Variants in TUBE1 observed in about 807,000 individuals in gnomAD.
TUBE1 encodes tubulin epsilon chain.
Under a neutral mutation model 53.5 loss-of-function variants are expected in TUBE1, and 34 were observed. That is an observed-to-expected ratio of 0.64 (90% confidence interval 0.48 to 0.85). TUBE1 has a LOEUF of 0.85. Ranked by LOEUF, TUBE1 falls within the 40% of genes least tolerant of loss-of-function variation. TUBE1 has a pLI of 0.00. For synonymous variants in TUBE1, 177 were observed against 198.4 expected (o/e 0.89, Z 0.91); for missense variants, 532 against 570.5 (o/e 0.93, Z 0.69).
At chr6:112,073,117 C>CT (rs1776898371) in intron 9 of TUBE1, among the ~76,000 whole-genome samples, 1 of 132,656 alleles carries the variant, frequency 7.5e-6, no homozygotes, top group Non-Finnish European at 1.6e-5. Context: ...TTTTCTTTTT[C>CT]TGGGGGAAAA....
chr6:112,082,118 ACC>A (rs1583597505), intron 4 of TUBE1, among the ~76,000 whole-genome samples: 1 of 152,172 alleles, frequency 6.6e-6, no homozygotes, highest in African/African-American at 2.4e-5. Context: ...TGTGTAATTA[ACC>A]ATGCTACTTC....
At chr6:112,074,061 T>C (rs1279722666) in intron 9 of TUBE1, among the ~76,000 whole-genome samples, 1 of 152,182 alleles carries the variant, frequency 6.6e-6, no homozygotes, top group African/African-American at 2.4e-5. Context: ...CCCTTTCTTA[T>C]TTACATACTG....
At chr6:112,077,258 T>G (rs1161762329) in intron 6 of TUBE1, 1 of 152,158 alleles carries the variant, frequency 6.6e-6, no homozygotes, top group East Asian at 1.9e-4. Context: ...CATGCCTACC[T>G]CGAATTTCAA....
chr6:112,074,952 A>T (rs1421884575), intron 8 of TUBE1, 102 bp from the exon 9 acceptor site: 1 of 746,884 alleles, frequency 1.3e-6, no homozygotes, highest in Non-Finnish European at 2.0e-6. Flanking sequence ...ATTCTTTTGT[A>T]CACTGTTCTT....
At chr6:112,072,149 C>G in intron 10 of TUBE1, 73 bp from the exon 11 acceptor site, 1 of 1,154,906 alleles carries the variant, frequency 8.7e-7, no homozygotes. Flanking sequence ...AATGGCAGCT[C>G]ATATTAGTTA....
chr6:112,081,549 T>C (rs950833773), intron 4 of TUBE1, among the ~76,000 whole-genome samples: 23 of 152,248 alleles, frequency 1.5e-4, no homozygotes, highest in African/African-American at 5.1e-4. Flanking sequence ...ACAGGATGCA[T>C]GAATGTACTT....
chr6:112,075,023 A>T, intron 8 of TUBE1, 173 bp from the exon 9 acceptor site: 1 of 339,148 alleles, frequency 2.9e-6, no homozygotes. Flanking sequence ...ACAATCATGT[A>T]TAAAATAAAA....
At chr6:112,078,227 C>A (rs2114485228) in intron 6 of TUBE1, 1 of 152,060 alleles carries the variant, frequency 6.6e-6, no homozygotes, top group South Asian at 2.1e-4. Flanking sequence ...TTGGTCCTAT[C>A]TTTTTCTTAG....
intron 4 of TUBE1, 46 bp from the exon 5 acceptor site, chr6:112,081,253 T>C (rs1777066305): frequency 1.9e-6 from 2 of 1,060,072 alleles, no homozygotes; most frequent in East Asian, 5.1e-5. Context: ...TCTTTTAGAG[T>C]TATTCACTCT....
chr6:112,079,522 G>T, intron 6 of TUBE1, 111 bp downstream of exon 6: 1 of 1,093,622 alleles, frequency 9.1e-7, no homozygotes, highest in Non-Finnish European at 1.3e-6. Context: ...CACACCCTCC[G>T]AATAGTTCTA....
intron 9 of TUBE1, 46 bp downstream of exon 9, chr6:112,074,664 A>G: frequency 7.3e-7 from 1 of 1,367,992 alleles, no homozygotes; most frequent in Non-Finnish European, 9.6e-7. Flanking sequence ...AATGTTTTTT[A>G]AAGTAATTTG....
chr6:112,080,755 T>C (rs1370672362), intron 5 of TUBE1, among the ~76,000 whole-genome samples: 1 of 152,064 alleles, frequency 6.6e-6, no homozygotes, highest in Non-Finnish European at 1.5e-5. Flanking sequence ...GTATTACATC[T>C]GACCAATTGG....
chr6:112,071,376 T>C lies in TUBE1; in HGVS notation c.*36A>G, dbSNP rs1321284543. 16 of 1,443,200 alleles carry C rather than the reference T, an allele frequency of 1.1e-5. No homozygotes were observed. The highest frequency in any genetic ancestry group is 4.7e-5 in the East Asian group (2 of 42,486). The allele number at this position is 1,443,200 out of a possible 1,614,324, so 89.4% of individuals were successfully genotyped here. ...GAAACAGAAAGGTCAGAAAAAACAA[T>C]GTGAAATTAAGAAAGTATTTTTGAG... On this transcript the variant is annotated 3_prime_UTR_variant, in exon 12 of 12. Transcript: ENST00000368662.
At position 112,073,857 on chromosome 6, in the gene TUBE1, C is replaced by T. The variant is rs111585905; in HGVS notation, c.953+853G>A. The stretch of plus-strand genomic sequence containing the variant: ...GGATCAAAATTATAGCTCAATGCAG[C>T]CTCAAACTCCTGGGTTCAAGTGATC... On this transcript the variant is annotated intron_variant, in intron 9 of 11. Coordinates refer to ENST00000368662, the MANE Select transcript of TUBE1 (RefSeq NM_016262.5). 2.0e-3 allele frequency among the ~76,000 whole-genome samples: 309 copies of T among 152,252 alleles called. 1 individual carries two copies. Among genetic ancestry groups the T allele is most frequent in the African/African-American group, 7.2e-3 (299 of 41,550 alleles).
At chr6:112,071,708 AT>A (rs2114476737) in intron 11 of TUBE1, 138 bp from the exon 12 acceptor site, 1 of 960,254 alleles carries the variant, frequency 1.0e-6, no homozygotes, top group African/African-American at 1.7e-5. Flanking sequence ...GTCAAATTGA[AT>A]GAATCCTATA....
rs112175258 is a variant in TUBE1 at position 112,085,514 on chromosome 6, G to A, written c.152+1042C>T. On this transcript the variant is annotated intron_variant, in intron 3 of 11. Transcript: ENST00000368662. The stretch of plus-strand genomic sequence containing the variant: ...AGGTGGGTGTAGGAACTTAGCAAGA[G>A]AAGCGCCGGAAAGGAAGTATGACAG... The A allele has an allele frequency of 7.1e-3, 2,609 of 367,328 alleles. 69 individuals carry two copies. Among genetic ancestry groups the A allele is most frequent in the African/African-American group, 0.052 (2,453 of 47,126 alleles). The allele number at this position is 367,328 out of a possible 1,614,324, so 22.8% of individuals were successfully genotyped here.
rs1028053272 is a variant in TUBE1 at position 112,070,911 on chromosome 6, A to C, written c.*501T>G. On this transcript the variant is annotated 3_prime_UTR_variant, in exon 12 of 12. Transcript: ENST00000368662. ...GCAAACAAGTTGTTATCTAAAGAAGAAGCAAAACCTCCTTAACAGTTGTAA... is the reference window on the plus strand; with the variant it reads ...GCAAACAAGTTGTTATCTAAAGAAGCAGCAAAACCTCCTTAACAGTTGTAA... 6.6e-5 allele frequency: 10 copies of C among 152,172 alleles called. No individual in the cohort carries two copies. The highest frequency in any genetic ancestry group is 1.9e-4 in the East Asian group (1 of 5,200). 9.4% of individuals were successfully genotyped at this position (152,172 alleles called of 1,614,324 possible). A position where few individuals can be genotyped will look rare whatever the true frequency, so the allele number is the denominator to read the frequency against.
rs1583590532 is a variant in TUBE1 at position 112,071,512 on chromosome 6, G to A, written c.1328C>T (p.Ala443Val). 2 of 1,612,256 alleles carry A rather than the reference G, an allele frequency of 1.2e-6. No individual in the cohort carries two copies. The highest frequency in any genetic ancestry group is 4.5e-5 in the East Asian group (2 of 44,854). ...EGMEESCFTE[A>V]VSSLSALIQE... ...TATGAGTGCTGATAAAGATGACACAGCTTCTGTGAAACAGCTTTCTTCCAT... is the reference window on the plus strand; with the variant it reads ...TATGAGTGCTGATAAAGATGACACAACTTCTGTGAAACAGCTTTCTTCCAT... The change falls in exon 12 of 12, where the codon GCT becomes GTT. Residue 443 changes from alanine (A) to valine (V), a missense_variant. Coordinates refer to ENST00000368662, the MANE Select transcript of TUBE1 (RefSeq NM_016262.5).
chr6:112,070,680 A>G lies in TUBE1; in HGVS notation c.*732T>C, dbSNP rs1284310289. 1.3e-5 allele frequency: 2 copies of G among 152,210 alleles called. No homozygotes were observed. Among genetic ancestry groups the G allele is most frequent in the African/African-American group, 4.8e-5 (2 of 41,460 alleles). 9.4% of individuals were successfully genotyped at this position (152,210 alleles called of 1,614,324 possible). A position where few individuals can be genotyped will look rare whatever the true frequency, so the allele number is the denominator to read the frequency against. On this transcript the variant is annotated 3_prime_UTR_variant, in exon 12 of 12. Coordinates refer to ENST00000368662, the MANE Select transcript of TUBE1 (RefSeq NM_016262.5). ...ACTGAAGATTATAGTAACCGGAACAATTATAGCCATTTATTGCAAAGTTTG... is the reference window on the plus strand; with the variant it reads ...ACTGAAGATTATAGTAACCGGAACAGTTATAGCCATTTATTGCAAAGTTTG...
Sources: gnomAD v4.1 joint callset for allele counts (sites outside exome capture counted in the v4.1 genomes callset) on GRCh38, gnomAD v4.1.1 for gene constraint, MANE v1.5 for transcripts, NCBI Gene and HGNC (gene_info 2026-07-23, HGNC 2026-07-21) for gene names.